Variants in CNTN1 observed in about 807,000 individuals in gnomAD.
The protein encoded by CNTN1 is contactin 1, also known as contactin-1.
Under a neutral mutation model 126.4 loss-of-function variants are expected in CNTN1, and 38 were observed. That is an observed-to-expected ratio of 0.30 (90% CI 0.23 to 0.39). The LOEUF (loss-of-function observed/expected upper bound fraction) is 0.39. CNTN1 is among the 10% of genes least tolerant of loss of function. The probability of loss-of-function intolerance (pLI) is 1.00; values close to 1 mark genes in which losing one functional copy is unlikely to be tolerated. For missense variants in CNTN1, 1,009 were observed against 1,248.4 expected (o/e 0.81, Z 2.89); for synonymous variants, 413 against 422.6 (o/e 0.98, Z 0.28).
chr12:40,967,745 A>G (rs1947359671), intron 15 of CNTN1, among the ~76,000 whole-genome samples: 1 of 152,168 alleles, frequency 6.6e-6, no homozygotes, highest in African/African-American at 2.4e-5. Context: ...CTCGAAGAAT[A>G]TGAATAAATG....
At chr12:40,740,328 T>C (rs1024818530) in intron 1 of CNTN1, among the ~76,000 whole-genome samples, 1 of 152,096 alleles carries the variant, frequency 6.6e-6, no homozygotes, top group Non-Finnish European at 1.5e-5. Flanking sequence ...ATCCTCCTTA[T>C]CTTTTTACTT....
chr12:40,844,626 C>A (rs7488448), intron 1 of CNTN1, among the ~76,000 whole-genome samples: 2 of 151,900 alleles, frequency 1.3e-5, no homozygotes, highest in African/African-American at 4.8e-5. Context: ...ATCTTAGAAA[C>A]GGAAGAAGTC....
At chr12:41,062,745 C>T (rs1455489605) in intron 23 of CNTN1, among the ~76,000 whole-genome samples, 2 of 152,128 alleles carry the variant, frequency 1.3e-5, no homozygotes, top group Non-Finnish European at 2.9e-5. Context: ...AGAAAATTAA[C>T]CATACAATAA....
Position 40,877,411 on chromosome 12 carries a change from G to A in CNTN1, c.-76-30946G>A, listed in dbSNP as rs1300892119. ...TGAAAGTACTAGTTCCTATTGTCAT[G>A]GAGGAAAGAAGATCTAGATGAATAT... is the stretch of plus-strand genomic sequence containing the variant. On this transcript the variant is annotated intron_variant, in intron 1 of 23. Transcript: ENST00000551295. 3.3e-5 allele frequency among the ~76,000 whole-genome samples: 5 copies of A among 152,148 alleles called. No individual in the cohort carries two copies. In the East Asian group the frequency reaches 9.7e-4, roughly 29 times the overall value.
intron 1 of CNTN1, among the ~76,000 whole-genome samples, chr12:40,843,935 G>C (rs1293500344): frequency 6.6e-6 from 1 of 151,976 alleles, no homozygotes; most frequent in Non-Finnish European, 1.5e-5. Context: ...AAATTAGCTA[G>C]AAGAACAAGA....
intron 1 of CNTN1, among the ~76,000 whole-genome samples, chr12:40,866,338 C>T (rs1435572428): frequency 2.0e-5 from 3 of 152,010 alleles, no homozygotes; most frequent in Non-Finnish European, 4.4e-5. Context: ...CCAGAACTTT[C>T]AGTAAAATGT....
chr12:40,791,942 GCTCAGCA>G lies in CNTN1; in HGVS notation c.-77+99353_-77+99359del, dbSNP rs532466767. 6.0e-4 allele frequency among the ~76,000 whole-genome samples: 92 copies of G among 152,188 alleles called. 1 individual carries two copies. In the East Asian group the frequency reaches 0.016, roughly 27 times the overall value. ...TCATGTTTCAGAGTACTTGCTATGT[GCTCAGCA>G]CTGTTTAGAGTTTTATGGGCCATTC... On this transcript the variant is annotated intron_variant, in intron 1 of 23. Coordinates refer to ENST00000551295, the MANE Select transcript of CNTN1 (RefSeq NM_001843.4).
chr12:40,870,840 G>C (rs1565862534), intron 1 of CNTN1, among the ~76,000 whole-genome samples: 3 of 152,122 alleles, frequency 2.0e-5, no homozygotes, highest in Non-Finnish European at 2.9e-5. Flanking sequence ...TAAATGGTTG[G>C]TCTGAGTGGA....
chr12:40,784,062 A>G (rs1214051180), intron 1 of CNTN1, among the ~76,000 whole-genome samples: 1 of 152,168 alleles, frequency 6.6e-6, no homozygotes, highest in African/African-American at 2.4e-5. Flanking sequence ...ATTACAGCAT[A>G]GTGTAATCCC....
At chr12:40,697,251 C>T (rs1941472751) in intron 1 of CNTN1, among the ~76,000 whole-genome samples, 1 of 152,170 alleles carries the variant, frequency 6.6e-6, no homozygotes, top group Non-Finnish European at 1.5e-5. Flanking sequence ...CCAGTTTGGC[C>T]ATACTCTCAT....
At chr12:40,872,773 G>A (rs2136674876) in intron 1 of CNTN1, among the ~76,000 whole-genome samples, 1 of 151,424 alleles carries the variant, frequency 6.6e-6, no homozygotes, top group Non-Finnish European at 1.5e-5. Flanking sequence ...TATTGGTCAG[G>A]CTGGTCTCGA....
chr12:40,887,929 C>T (rs1438328359), intron 1 of CNTN1, among the ~76,000 whole-genome samples: 1 of 147,858 alleles, frequency 6.8e-6, no homozygotes, highest in South Asian at 2.1e-4. Flanking sequence ...AAACCAAACA[C>T]TGCATGTTCT....
intron 1 of CNTN1, among the ~76,000 whole-genome samples, chr12:40,753,474 G>A (rs1938479720): frequency 6.6e-6 from 1 of 152,094 alleles, no homozygotes. Context: ...CGTGGCTGGG[G>A]AGGCCTCACA....
chr12:40,825,705 A>G (rs1262720604), intron 1 of CNTN1, among the ~76,000 whole-genome samples: 2 of 152,082 alleles, frequency 1.3e-5, no homozygotes, highest in African/African-American at 4.8e-5. Flanking sequence ...ATTTCCATTC[A>G]ATGCTTACTT....
chr12:40,901,709 C>T (rs548373298), intron 1 of CNTN1, among the ~76,000 whole-genome samples: 2 of 152,288 alleles, frequency 1.3e-5, no homozygotes, highest in Non-Finnish European at 2.9e-5. Flanking sequence ...CATTGAACAA[C>T]ATATTTTATT....
At chr12:40,971,356 A>G (rs1446203806) in intron 15 of CNTN1, 7 of 1,260,214 alleles carry the variant, frequency 5.6e-6, no homozygotes, top group Non-Finnish European at 7.8e-6. Context: ...AAATAGGGCA[A>G]ATCCCCCAAG....
intron 1 of CNTN1, among the ~76,000 whole-genome samples, chr12:40,799,632 AG>A (rs2136481243): frequency 6.6e-6 from 1 of 152,162 alleles, no homozygotes; most frequent in South Asian, 2.1e-4. Context: ...CCAGTCAGTA[AG>A]TAAGCATTTA....
chr12:40,737,058 G>T (rs1937716647), intron 1 of CNTN1, among the ~76,000 whole-genome samples: 2 of 151,688 alleles, frequency 1.3e-5, no homozygotes, highest in Non-Finnish European at 2.9e-5. Flanking sequence ...AATTGCTAAA[G>T]AAAAAAATTC....
intron 1 of CNTN1, among the ~76,000 whole-genome samples, chr12:40,745,809 T>C (rs1232072536): frequency 1.3e-5 from 2 of 152,140 alleles, no homozygotes; most frequent in Admixed American, 1.3e-4. Flanking sequence ...TTTGATTTCT[T>C]TCCTTATCTG....
Sources: allele counts gnomAD v4.1 joint callset (sites outside exome capture counted in the v4.1 genomes callset), GRCh38; gene constraint gnomAD v4.1.1; transcripts MANE v1.5; gene names NCBI Gene and HGNC (gene_info 2026-07-23, HGNC 2026-07-21).